RDH12: variants seen among roughly 807,000 people sequenced by gnomAD.
RDH12 encodes all-trans and 9-cis retinol dehydrogenase.
In RDH12, 21 loss-of-function variants were observed where a neutral mutation model predicts 34.0. The ratio of observed to expected loss-of-function variants is 0.62; its 90% confidence interval spans 0.44 to 0.89. RDH12 has a LOEUF of 0.89. RDH12 is among the 40% of genes least tolerant of loss of function. The pLI is 0.00. For synonymous variants in RDH12, 198 were observed against 169.9 expected (o/e 1.17, Z -1.29); for missense variants, 394 against 398.6 (o/e 0.99, Z 0.10).
chr14:67,724,049 A>C (rs984522304), intron 3 of RDH12, among the ~76,000 whole-genome samples: 27 of 152,262 alleles, frequency 1.8e-4, no homozygotes, highest in Admixed American at 1.5e-3. Flanking sequence ...AGTGCTGTTC[A>C]TCAGTTACTC....
chr14:67,728,869 T>G (rs539594242), intron 7 of RDH12, among the ~76,000 whole-genome samples: 157 of 152,252 alleles, frequency 1.0e-3, no homozygotes, highest in Non-Finnish European at 1.1e-3. Flanking sequence ...AAGATACCAC[T>G]GTCAATGATT....
intron 1 of RDH12, among the ~76,000 whole-genome samples, chr14:67,703,450 G>T (rs1318027320): frequency 6.6e-6 from 1 of 152,172 alleles, no homozygotes; most frequent in Non-Finnish European, 1.5e-5. Flanking sequence ...TCTTAAGTTA[G>T]TAATACTATA....
At chr14:67,707,612 A>C (rs1330353571) in intron 1 of RDH12, among the ~76,000 whole-genome samples, 1 of 152,214 alleles carries the variant, frequency 6.6e-6, no homozygotes, top group Non-Finnish European at 1.5e-5. Flanking sequence ...TATTTTTAGT[A>C]GAGATGGGAT....
chr14:67,729,891 G>C, intron 8 of RDH12: 1 of 446,162 alleles, frequency 2.2e-6, no homozygotes, highest in South Asian at 1.6e-5. Flanking sequence ...TAGAGTCTGG[G>C]AGTAAAGGGA....
rs1315460973 is a variant in RDH12, at chr14:67,727,215, C to G, written c.658+25C>G. The G allele has an allele frequency of 1.9e-6, 3 of 1,587,738 alleles. No individual in the cohort carries two copies. In the South Asian group the frequency reaches 3.4e-5, roughly 18 times the overall value. The stretch of plus-strand genomic sequence containing the variant: ...GGTAAGTCTGGAGAAAGAGGAATAG[C>G]AAAAATGGTCCTCAGACCAAATTAG... On this transcript the variant is annotated intron_variant, in intron 7 of 8. Transcript: ENST00000551171.
chr14:67,717,556 G>A (rs1368660503), intron 1 of RDH12, among the ~76,000 whole-genome samples: 1 of 152,190 alleles, frequency 6.6e-6, no homozygotes, highest in Non-Finnish European at 1.5e-5. Context: ...ACATACACCA[G>A]GGTTATCCTT....
At chr14:67,716,167 A>C (rs1416647342) in intron 1 of RDH12, among the ~76,000 whole-genome samples, 1 of 151,464 alleles carries the variant, frequency 6.6e-6, no homozygotes, top group East Asian at 1.9e-4. Flanking sequence ...ACTGCACTCC[A>C]GCCTGGACGA....
At chr14:67,720,494 G>A (rs967510377) in intron 1 of RDH12, among the ~76,000 whole-genome samples, 3 of 152,140 alleles carry the variant, frequency 2.0e-5, no homozygotes, top group African/African-American at 7.2e-5. Flanking sequence ...CGTCTTTGAG[G>A]TATTCGAATT....
rs1335135323 is a variant in RDH12 at position 67,732,494 on chromosome 14, A to AAG, written c.849-1240_849-1239dup. ...TGATCCCGGTTTTATGTAAGAGAGA[A>AAG]AGAGAGAGAGAGACTATATCTCTAT... On this transcript the variant is annotated intron_variant, in intron 8 of 8. Coordinates refer to ENST00000551171, the MANE Select transcript of RDH12 (RefSeq NM_152443.3). Among the ~76,000 whole-genome samples, 29 of 150,684 alleles carry AAG rather than the reference A, an allele frequency of 1.9e-4. No homozygotes were observed. The South Asian group carries it at 5.7e-3, about 30-fold the overall frequency.
intron 1 of RDH12, among the ~76,000 whole-genome samples, chr14:67,703,615 A>G (rs985049508): frequency 1.3e-5 from 2 of 152,194 alleles, no homozygotes; most frequent in African/African-American, 4.8e-5. Flanking sequence ...CTATTATTTT[A>G]AGATGTGCAC....
chr14:67,706,218 A>G (rs978850788), intron 1 of RDH12: 3 of 152,312 alleles, frequency 2.0e-5, no homozygotes, highest in African/African-American at 4.8e-5. Flanking sequence ...CAGCCACTAC[A>G]CTCCAGCCTG....
At position 67,722,483 on chromosome 14, in the gene RDH12, C is replaced by A; in HGVS notation, c.-160C>A. 2 of 755,174 alleles carry A rather than the reference C, an allele frequency of 2.6e-6. No individual in the cohort carries two copies. Among genetic ancestry groups the A allele is most frequent in the Admixed American group, 1.8e-5 (1 of 55,492 alleles). 46.8% of individuals were successfully genotyped at this position (755,174 alleles called of 1,614,324 possible). On this transcript the variant is annotated 5_prime_UTR_variant, in exon 3 of 9. Coordinates refer to ENST00000551171, the MANE Select transcript of RDH12 (RefSeq NM_152443.3). ...TCTTGGATTTAAATAGGATTCTGGG[C>A]TCTGCTCAGAGTCAGGCTGCTGCTC... is the stretch of plus-strand genomic sequence containing the variant.
At chr14:67,713,626 A>T (rs2038035767) in intron 1 of RDH12, among the ~76,000 whole-genome samples, 7 of 152,200 alleles carry the variant, frequency 4.6e-5, no homozygotes, top group African/African-American at 9.7e-5. Flanking sequence ...TGTGGTTAAC[A>T]AAATGTAAAC....
intron 8 of RDH12, among the ~76,000 whole-genome samples, chr14:67,732,989 G>A (rs1432331530): frequency 1.3e-5 from 2 of 152,146 alleles, no homozygotes; most frequent in Non-Finnish European, 2.9e-5. Context: ...GGGGAGCGGG[G>A]AGGGATAGCA....
chr14:67,703,454 T>C (rs902884204), intron 1 of RDH12, among the ~76,000 whole-genome samples: 1 of 152,246 alleles, frequency 6.6e-6, no homozygotes, highest in East Asian at 1.9e-4. Context: ...AAGTTAGTAA[T>C]ACTATAAACA....
At chr14:67,729,100 C>A in intron 7 of RDH12, 91 bp from the exon 8 acceptor site, 1 of 1,321,338 alleles carries the variant, frequency 7.6e-7, no homozygotes, top group South Asian at 1.2e-5. Flanking sequence ...CTGAGTCCCT[C>A]CTTCTCACTT....
chr14:67,706,423 A>G (rs1212002416), intron 1 of RDH12, among the ~76,000 whole-genome samples: 2 of 152,222 alleles, frequency 1.3e-5, no homozygotes, highest in East Asian at 3.8e-4. Context: ...ACATATGTCC[A>G]AGGTGGTCAG....
rs1594867551 is a variant in RDH12 at position 67,729,311 on chromosome 14, A to AG, written c.784dup (p.Ala262GlyfsTer11). ...TCCCCCTTTGTCAAGACGGCACGGG[A>AG]GGGGGCGCAGACCAGCCTGCACTGC... On this transcript the variant is annotated frameshift_variant, in exon 8 of 9. Transcript: ENST00000551171. LOFTEE classifies it high-confidence loss of function. 6.2e-7 allele frequency: 1 copy of AG among 1,600,818 alleles called. No homozygotes were observed. Among genetic ancestry groups the AG allele is most frequent in the Non-Finnish European group, 8.5e-7 (1 of 1,179,868 alleles).
intron 1 of RDH12, among the ~76,000 whole-genome samples, chr14:67,707,060 T>C (rs1235179667): frequency 6.6e-6 from 1 of 152,238 alleles, no homozygotes; most frequent in East Asian, 1.9e-4. Flanking sequence ...GGTTTATGTA[T>C]GTAAATAGGT....
Sources: allele counts gnomAD v4.1 joint callset (sites outside exome capture counted in the v4.1 genomes callset), GRCh38; gene constraint gnomAD v4.1.1; transcripts MANE v1.5; gene names NCBI Gene and HGNC (gene_info 2026-07-23, HGNC 2026-07-21).